Variants in JKAMP observed in about 807,000 individuals in gnomAD.
JKAMP encodes JNK1/MAPK8-associated membrane protein.
In JKAMP, 20 loss-of-function variants were observed where a neutral mutation model predicts 40.2. The ratio of observed to expected loss-of-function variants is 0.50; its 90% confidence interval spans 0.35 to 0.72. The LOEUF is 0.72. Ranked by LOEUF, JKAMP falls within the 30% of genes least tolerant of loss-of-function variation. The pLI is 0.01. For synonymous variants in JKAMP, 138 were observed against 131.6 expected (o/e 1.05, Z -0.33); for missense variants, 276 against 373.0 (o/e 0.74, Z 2.14).
intron 3 of JKAMP, among the ~76,000 whole-genome samples, chr14:59,493,656 A>G (rs1891204364): frequency 1.3e-5 from 2 of 152,242 alleles, no homozygotes; most frequent in South Asian, 4.1e-4. Flanking sequence ...CCTATATTCC[A>G]TGTACAGTAC....
intron 6 of JKAMP, among the ~76,000 whole-genome samples, chr14:59,501,754 A>G (rs1470978201): frequency 6.6e-6 from 1 of 151,852 alleles, no homozygotes; most frequent in African/African-American, 2.4e-5. Context: ...TGTTTGGGGG[A>G]TTTGGAGCTA....
At chr14:59,495,287 T>A in intron 4 of JKAMP, 63 bp downstream of exon 4, 1 of 1,296,650 alleles carries the variant, frequency 7.7e-7, no homozygotes, top group Non-Finnish European at 1.1e-6. Context: ...TTATTATAGA[T>A]TTTATGGCGT....
chr14:59,485,324 G>T, intron 1 of JKAMP: 1 of 461,500 alleles, frequency 2.2e-6, no homozygotes, highest in Non-Finnish European at 3.6e-6. Context: ...AGAACATTGT[G>T]ATTACAATTG....
intron 1 of JKAMP, 114 bp downstream of exon 1, chr14:59,484,707 C>G: frequency 7.6e-7 from 1 of 1,316,058 alleles, no homozygotes; most frequent in Non-Finnish European, 1.1e-6. Context: ...GGCGCAGGCT[C>G]GCCCCTTGAC....
At position 59,487,737 on chromosome 14, in the gene JKAMP, G is replaced by A; in HGVS notation, c.160G>A (p.Glu54Lys). 2 of 1,613,310 alleles carry A rather than the reference G, an allele frequency of 1.2e-6. No homozygotes were observed. The highest frequency in any genetic ancestry group is 8.5e-7 in the Non-Finnish European group (1 of 1,179,394). The stretch of plus-strand genomic sequence containing the variant: ...TTGTCAGCCTTGCACAGAATCTCCT[G>A]AACTTTATGATTGGCTCTATCTTGG... ...KYCQPCTESP[E>K]LYDWLYLGFM... The change falls in exon 3 of 7, where the codon GAA becomes AAA. Residue 54 changes from glutamate (E) to lysine (K), a missense_variant. Coordinates refer to ENST00000616435, the MANE Select transcript of JKAMP (RefSeq NM_016475.5).
intron 5 of JKAMP, among the ~76,000 whole-genome samples, chr14:59,499,253 C>G (rs1766488380): frequency 6.6e-6 from 1 of 151,754 alleles, no homozygotes; most frequent in Admixed American, 6.6e-5. Context: ...ATCTCGATCT[C>G]CTGACCTCAT....
Position 59,505,198 on chromosome 14 carries a change from A to G in JKAMP, c.*1126A>G, listed in dbSNP as rs1276132256. The G allele has an allele frequency of 9.4e-7, 1 of 1,060,940 alleles. No individual in the cohort carries two copies. Among genetic ancestry groups the G allele is most frequent in the Non-Finnish European group, 1.3e-6 (1 of 750,378 alleles). The allele number at this position is 1,060,940 out of a possible 1,614,324, so 65.7% of individuals were successfully genotyped here. On this transcript the variant is annotated 3_prime_UTR_variant, in exon 7 of 7. Coordinates refer to ENST00000616435, the MANE Select transcript of JKAMP (RefSeq NM_016475.5). Reference sequence around the variant, plus strand: ...AAGTAAGTGCACTCACTTTTCCTGTAGTAGTCTGTCTTTTGAATTCACAGC... The same window carrying G: ...AAGTAAGTGCACTCACTTTTCCTGTGGTAGTCTGTCTTTTGAATTCACAGC...
chr14:59,499,809 G>C (rs535203964), intron 5 of JKAMP, among the ~76,000 whole-genome samples: 1 of 152,120 alleles, frequency 6.6e-6, no homozygotes, highest in Non-Finnish European at 1.5e-5. Context: ...GTTTACAGAT[G>C]AACTGTTTCA....
At chr14:59,502,048 G>A (rs1891920260) in intron 6 of JKAMP, among the ~76,000 whole-genome samples, 1 of 152,114 alleles carries the variant, frequency 6.6e-6, no homozygotes. Flanking sequence ...AGAAGTAGTA[G>A]TGTATTTGAC....
chr14:59,492,432 C>T (rs1389792670), intron 3 of JKAMP, among the ~76,000 whole-genome samples: 1 of 152,142 alleles, frequency 6.6e-6, no homozygotes, highest in Non-Finnish European at 1.5e-5. Flanking sequence ...TCTTACACCT[C>T]ACAGAAGCCA....
At chr14:59,494,955 T>G in intron 3 of JKAMP, 63 bp from the exon 4 acceptor site, 1 of 1,164,814 alleles carries the variant, frequency 8.6e-7, no homozygotes, top group Non-Finnish European at 1.3e-6. Context: ...CATGTACATG[T>G]TTTATTAAAG....
chr14:59,501,005 T>C (rs1453464922), intron 5 of JKAMP, 186 bp from the exon 6 acceptor site: 5 of 537,196 alleles, frequency 9.3e-6, no homozygotes, highest in Non-Finnish European at 1.6e-5. Flanking sequence ...GGGCTGAAAC[T>C]ATTTACTATC....
At chr14:59,493,093 CAGCCA>C (rs1330059201) in intron 3 of JKAMP, among the ~76,000 whole-genome samples, 6 of 152,110 alleles carry the variant, frequency 3.9e-5, no homozygotes, top group African/African-American at 9.7e-5. Context: ...CCACCACGCC[CAGCCA>C]AGGAGAGCTG....
In JKAMP at chr14:59,505,366, T is replaced by TG. The variant is rs957384360; in HGVS notation, c.*1300dup. The stretch of plus-strand genomic sequence containing the variant: ...AAATTTTATTTGTATTGCACACATT[T>TG]GGGGGGTTATTAGTGTTCATTAAAA... On this transcript the variant is annotated 3_prime_UTR_variant, in exon 7 of 7. Transcript: ENST00000616435. 2.0e-6 allele frequency: 2 copies of TG among 993,166 alleles called. No individual in the cohort carries two copies. Among genetic ancestry groups the TG allele is most frequent in the Non-Finnish European group, 2.9e-6 (2 of 694,836 alleles). The allele number at this position is 993,166 out of a possible 1,614,324, so 61.5% of individuals were successfully genotyped here.
At position 59,504,172 on chromosome 14, in the gene JKAMP, C is replaced by G. The variant is rs1892173182; in HGVS notation, c.*100C>G. ...AGAACTATTCTATCATATATGGGAA[C>G]AAGATTGTCAGTATATCTTAATGTT... On this transcript the variant is annotated 3_prime_UTR_variant, in exon 7 of 7. Coordinates refer to ENST00000616435, the MANE Select transcript of JKAMP (RefSeq NM_016475.5). 2 of 695,220 alleles carry G rather than the reference C, an allele frequency of 2.9e-6. No individual in the cohort carries two copies. The highest frequency in any genetic ancestry group is 3.7e-5 in the South Asian group (2 of 54,792). The allele number at this position is 695,220 out of a possible 1,614,324, so 43.1% of individuals were successfully genotyped here. A position where few individuals can be genotyped will look rare whatever the true frequency, so the allele number is the denominator to read the frequency against.
At chr14:59,499,551 A>T (rs1891716268) in intron 5 of JKAMP, among the ~76,000 whole-genome samples, 2 of 152,198 alleles carry the variant, frequency 1.3e-5, no homozygotes, top group Non-Finnish European at 2.9e-5. Flanking sequence ...AATAAGACAA[A>T]TTCACTGTTA....
At chr14:59,484,869 G>A (rs1429906937) in intron 1 of JKAMP, 10 of 1,208,388 alleles carry the variant, frequency 8.3e-6, no homozygotes, top group Non-Finnish European at 1.0e-5. Flanking sequence ...GTTTAATGTC[G>A]AGGGAACACT....
At chr14:59,485,035 G>T (rs940435646) in intron 1 of JKAMP, 2 of 1,597,966 alleles carry the variant, frequency 1.3e-6, no homozygotes, top group Non-Finnish European at 1.7e-6. Flanking sequence ...CAAAAAAATG[G>T]AATCTTAAAA....
At chr14:59,498,940 A>T in intron 5 of JKAMP, 32 bp downstream of exon 5, 2 of 1,254,066 alleles carry the variant, frequency 1.6e-6, no homozygotes, top group Non-Finnish European at 2.2e-6. Flanking sequence ...AATGAAATAT[A>T]TTTATTATTG....
Sources: allele counts gnomAD v4.1 joint callset (sites outside exome capture counted in the v4.1 genomes callset), GRCh38; gene constraint gnomAD v4.1.1; transcripts MANE v1.5; gene names NCBI Gene and HGNC (gene_info 2026-07-23, HGNC 2026-07-21).